Variants in VWA3A observed in about 807,000 individuals in gnomAD.
The protein encoded by VWA3A is von Willebrand factor A domain containing 3A, also known as von Willebrand factor A domain-containing protein 3A.
VWA3A carries 134 observed loss-of-function variants against 160.4 expected under a neutral mutation model. The ratio of observed to expected loss-of-function variants is 0.84; its 90% CI spans 0.73 to 0.96. VWA3A has a LOEUF of 0.96. Among genes scored for constraint, VWA3A ranks in the 40% least tolerant of loss-of-function variants. The pLI, the probability that VWA3A is intolerant of heterozygous loss-of-function variation, is 0.00. For synonymous variants in VWA3A, 476 were observed against 543.4 expected (o/e 0.88, Z 1.72); for missense variants, 1,310 against 1,447.9 (o/e 0.90, Z 1.55).
At chr16:22,096,690 A>G (rs1208518614) in intron 1 of VWA3A, among the ~76,000 whole-genome samples, 169 bp from the exon 2 acceptor site, 1 of 152,076 alleles carries the variant, frequency 6.6e-6, no homozygotes, top group African/African-American at 2.4e-5. Context: ...GGCTACAGTG[A>G]GCCATGATTG....
intron 21 of VWA3A, among the ~76,000 whole-genome samples, chr16:22,135,517 G>A (rs1427259156): frequency 6.6e-6 from 1 of 152,074 alleles, no homozygotes; most frequent in African/African-American, 2.4e-5. Flanking sequence ...ATATCCTTTT[G>A]GGGGACACAC....
At chr16:22,130,456 G>C (rs748199166) in intron 17 of VWA3A, among the ~76,000 whole-genome samples, 3 of 152,118 alleles carry the variant, frequency 2.0e-5, no homozygotes, top group Non-Finnish European at 4.4e-5. Flanking sequence ...AGAAGAGATG[G>C]GTGATGAGGT....
intron 7 of VWA3A, among the ~76,000 whole-genome samples, chr16:22,110,424 G>C (rs2045536685): frequency 6.6e-6 from 1 of 152,220 alleles, no homozygotes; most frequent in Non-Finnish European, 1.5e-5. Context: ...CAGGGGACAG[G>C]TGTCAGAGCA....
At position 22,118,915 on chromosome 16, in the gene VWA3A, G is replaced by T; in HGVS notation, c.1004G>T (p.Arg335Leu). The T allele has an allele frequency of 6.2e-7, 1 of 1,613,856 alleles. No individual in the cohort carries two copies. Among genetic ancestry groups the T allele is most frequent in the East Asian group, 2.2e-5 (1 of 44,864 alleles). Residue 335 changes from arginine to leucine, a missense_variant, in exon 12 of 34, where the codon CGG (arginine) becomes CTG (leucine). Physicochemically the swap from Arg to Leu is moderately radical, Grantham distance 102. Coordinates refer to ENST00000389398, the MANE Select transcript of VWA3A (RefSeq NM_173615.5). ...TGCCACCCTCAGCACTACACCAGCC[G>T]GGACATGGATGAGCTCCTGGCAGAA... ...YSPKMEHYTS[R>L]DMDELLAEIQ...
intron 28 of VWA3A, 76 bp downstream of exon 28, chr16:22,148,382 C>T (rs74779411): frequency 2.6e-5 from 39 of 1,503,584 alleles, no homozygotes; most frequent in Non-Finnish European, 3.4e-5. Context: ...GCCCCCTCTT[C>T]TCAGTGCCAA....
At chr16:22,106,831 C>G (rs749386745) in intron 6 of VWA3A, among the ~76,000 whole-genome samples, 1 of 152,108 alleles carries the variant, frequency 6.6e-6, no homozygotes, top group African/African-American at 2.4e-5. Flanking sequence ...GCTCTAGGGT[C>G]GACAGAATGA....
intron 11 of VWA3A, among the ~76,000 whole-genome samples, chr16:22,117,851 G>GT (rs2045672312): frequency 6.6e-6 from 1 of 152,178 alleles, no homozygotes; most frequent in Admixed American, 6.5e-5. Context: ...TTTCATAGCA[G>GT]GGAGCCAAGC....
intron 8 of VWA3A, 70 bp from the exon 9 acceptor site, chr16:22,115,277 A>G: frequency 6.8e-7 from 1 of 1,471,944 alleles, no homozygotes; most frequent in Non-Finnish European, 9.0e-7. Context: ...CCTTATCTCT[A>G]AAAAGAAATT....
intron 31 of VWA3A, 40 bp from the exon 32 acceptor site, chr16:22,155,527 C>T: frequency 6.3e-7 from 1 of 1,580,030 alleles, no homozygotes; most frequent in East Asian, 2.2e-5. Context: ...TTTCAGCTCC[C>T]ATCCAGTCAT....
intron 30 of VWA3A, among the ~76,000 whole-genome samples, chr16:22,151,776 A>G (rs1246996850): frequency 6.6e-6 from 1 of 152,214 alleles, no homozygotes; most frequent in Non-Finnish European, 1.5e-5. Flanking sequence ...TCAAAAAAAA[A>G]AAAACTTTAT....
chr16:22,124,110 G>A (rs1180831260), intron 16 of VWA3A, among the ~76,000 whole-genome samples: 1 of 147,486 alleles, frequency 6.8e-6, no homozygotes, highest in Non-Finnish European at 1.5e-5. Context: ...GAGTCCAGGG[G>A]CTCAAGGCTG....
In VWA3A at chr16:22,152,605, C is replaced by T. The variant is rs370863410; in HGVS notation, c.3376C>T (p.Leu1126=). The T allele has an allele frequency of 6.2e-7, 1 of 1,609,338 alleles. No homozygotes were observed. The highest frequency in any genetic ancestry group is 1.3e-5 in the African/African-American group (1 of 74,966). The change falls in exon 31 of 34, where the codon CTG becomes TTG. Residue 1126 remains leucine, a synonymous_variant. Coordinates refer to ENST00000389398, the MANE Select transcript of VWA3A (RefSeq NM_173615.5). ...GEDTLSKIHS[L]LTKGFINEKD... is the part of the protein sequence containing the mutation. ...GGACACACTCTCCAAAATTCACAGC[C>T]TGCTGACCAAAGGCTTCATCAATGA...
intron 6 of VWA3A, among the ~76,000 whole-genome samples, chr16:22,104,403 C>T (rs1269797211): frequency 6.6e-6 from 1 of 152,068 alleles, no homozygotes; most frequent in Admixed American, 6.6e-5. Context: ...GCAGGAAAAT[C>T]GCTTGAACTC....
intron 6 of VWA3A, among the ~76,000 whole-genome samples, chr16:22,107,636 C>T (rs2045500003): frequency 6.6e-6 from 1 of 152,054 alleles, no homozygotes; most frequent in African/African-American, 2.4e-5. Flanking sequence ...GTCCCAGCTA[C>T]TTAGGAGATT....
intron 3 of VWA3A, 83 bp from the exon 4 acceptor site, chr16:22,100,111 G>A (rs1227642501): frequency 1.3e-5 from 18 of 1,437,906 alleles, no homozygotes; most frequent in Middle Eastern, 2.6e-4. Flanking sequence ...CTGAGTTGGC[G>A]CCCGTTGGGT....
rs147419269 is a variant in VWA3A, at chr16:22,118,148, G to T, written c.991-754G>T. Among the ~76,000 whole-genome samples, 27 of 152,222 alleles carry T rather than the reference G, an allele frequency of 1.8e-4. No homozygotes were observed. In the East Asian group the frequency reaches 4.8e-3, roughly 27 times the overall value. ...ATTTAAAAATTAGTCTGGTGTGGTA[G>T]CACATGGCTATAGTCACAGCTACTC... is the stretch of plus-strand genomic sequence containing the variant. On this transcript the variant is annotated intron_variant, in intron 11 of 33. Coordinates refer to ENST00000389398, the MANE Select transcript of VWA3A (RefSeq NM_173615.5).
intron 15 of VWA3A, 28 bp downstream of exon 15, chr16:22,123,193 A>T: frequency 1.3e-6 from 2 of 1,574,200 alleles, no homozygotes; most frequent in Non-Finnish European, 1.7e-6. Flanking sequence ...TCAGTCAGAA[A>T]ATGGGGTGCA....
rs1316429928 is a variant in VWA3A at position 22,097,660 on chromosome 16, T to C, written c.190T>C (p.Leu64=). 2.6e-6 allele frequency: 4 copies of C among 1,551,768 alleles called. No homozygotes were observed. The highest frequency in any genetic ancestry group is 3.5e-6 in the Non-Finnish European group (4 of 1,146,980). The change falls in exon 3 of 34, where the codon TTG becomes CTG. Residue 64 remains leucine, a synonymous_variant. Transcript: ENST00000389398. The part of the protein sequence containing the change: ...GLGQNSDNGL[L]VTHVNQTQDL... Reference sequence around the variant, plus strand: ...TGGGCAAAATTCGGACAATGGATTATTGGTTACACATGTTAACCAGACACA... The same window carrying C: ...TGGGCAAAATTCGGACAATGGATTACTGGTTACACATGTTAACCAGACACA...
intron 5 of VWA3A, 65 bp downstream of exon 5, chr16:22,100,558 G>A: frequency 6.8e-7 from 1 of 1,475,496 alleles, no homozygotes; most frequent in Non-Finnish European, 9.3e-7. Flanking sequence ...TTTCAGTCCG[G>A]GCATGGTGGC....
Sources: allele counts gnomAD v4.1 joint callset (sites outside exome capture counted in the v4.1 genomes callset), GRCh38; gene constraint gnomAD v4.1.1; transcripts MANE v1.5; gene names NCBI Gene and HGNC (gene_info 2026-07-23, HGNC 2026-07-21).